RFX6: variants seen among roughly 807,000 people sequenced by gnomAD.
RFX6 encodes the protein regulatory factor X6, also known as DNA-binding protein RFX6.
Under a neutral mutation model 110.8 loss-of-function variants are expected in RFX6, and 50 were observed. The observed-to-expected ratio is 0.45, with a 90% CI of 0.36 to 0.57. The LOEUF is 0.57. RFX6 is among the 20% of genes least tolerant of loss of function. The pLI is 0.00. For synonymous variants in RFX6, 383 were observed against 411.2 expected (o/e 0.93, Z 0.83); for missense variants, 990 against 1,127.0 (o/e 0.88, Z 1.74).
Position 116,910,973 on chromosome 6 carries a change from T to C in RFX6, c.711T>C (p.Thr237=), listed in dbSNP as rs746730984. 28 of 1,613,834 alleles carry C rather than the reference T, an allele frequency of 1.7e-5. No individual in the cohort carries two copies. Among genetic ancestry groups the C allele is most frequent in the Non-Finnish European group, 2.1e-5 (25 of 1,179,770 alleles). Residue 237 remains threonine, a synonymous_variant, in exon 7 of 19, where the codon ACT becomes ACC. Coordinates refer to ENST00000332958, the MANE Select transcript of RFX6 (RefSeq NM_173560.4). ...GTAAATATTCGCTTAGCTCAAAAACTGGAACACTTCTTCCAGAATTCCCCA... is the reference window on the plus strand; with the variant it reads ...GTAAATATTCGCTTAGCTCAAAAACCGGAACACTTCTTCCAGAATTCCCCA... ...FTRKYSLSSK[T]GTLLPEFPSA... is the part of the protein sequence containing the mutation.
intron 15 of RFX6, 77 bp downstream of exon 15, chr6:116,924,868 T>C (rs930109734): frequency 9.7e-7 from 1 of 1,030,758 alleles, no homozygotes; most frequent in Non-Finnish European, 1.5e-6. Context: ...AGTTCAGATA[T>C]TAAGTGGGTT....
Position 116,909,735 on chromosome 6 carries a change from CTTTTTTTTTTTTTT to C in RFX6, c.673-1184_673-1171del, listed in dbSNP as rs59264999. On this transcript the variant is annotated intron_variant, in intron 6 of 18. Transcript: ENST00000332958. ...TTTTAAATATAAAGCTCATTTAAAT[CTTTTTTTTTTTTTT>C]TTTTTTTTTTTTTTTGAGACGGAGT... Among the ~76,000 whole-genome samples the C allele has an allele frequency of 4.3e-3, 293 of 67,396 alleles. 3 individuals are homozygous for C. The highest frequency in any genetic ancestry group is 0.017 in the African/African-American group (273 of 16,532). 44.2% of individuals were successfully genotyped at this position (67,396 alleles called of 152,430 possible). A position where few individuals can be genotyped will look rare whatever the true frequency, so the allele number is the denominator to read the frequency against.
In RFX6 at chr6:116,927,138, C is replaced by T; in HGVS notation, c.1997C>T (p.Pro666Leu). ...INQGPMAGRP[P>L]SVGPVLSAPS... ...CAAGGACCAATGGCAGGGAGGCCCC[C>T]AAGTGTGGGCCCAGTACTGTCAGCT... The change falls in exon 17 of 19, where the codon CCA becomes CTA. Residue 666 changes from proline to leucine, a missense_variant. Physicochemically the swap from Pro to Leu is moderately conservative, Grantham distance 98. Around this residue, in one of 5 missense-constraint regions of RFX6, gnomAD observed 438 missense variants for 441.9 expected, o/e 0.99. Transcript: ENST00000332958. 1 of 1,614,128 alleles carries T rather than the reference C, an allele frequency of 6.2e-7. No individual in the cohort carries two copies. The highest frequency in any genetic ancestry group is 8.5e-7 in the Non-Finnish European group (1 of 1,180,018).
chr6:116,912,659 C>G (rs972670273), intron 7 of RFX6, among the ~76,000 whole-genome samples: 2 of 152,044 alleles, frequency 1.3e-5, no homozygotes, highest in Admixed American at 1.3e-4. Context: ...TCCATGCAAA[C>G]TTATCATGAA....
rs748937776 is a variant in RFX6, at chr6:116,927,153, T to A, written c.2012T>A (p.Val671Glu). ...MAGRPPSVGP[V>E]LSAPSHCSTY... Reference sequence around the variant, plus strand: ...GGGAGGCCCCCAAGTGTGGGCCCAGTACTGTCAGCTCCATCACACTGCTCC... The same window carrying A: ...GGGAGGCCCCCAAGTGTGGGCCCAGAACTGTCAGCTCCATCACACTGCTCC... Residue 671 changes from valine to glutamate, a missense_variant, in exon 17 of 19, where the codon GTA becomes GAA. By Grantham distance (121) the Val-to-Glu change is moderately radical. Transcript: ENST00000332958. 5.4e-5 allele frequency: 87 copies of A among 1,614,036 alleles called. No homozygotes were observed. The highest frequency in any genetic ancestry group is 6.8e-5 in the Non-Finnish European group (80 of 1,180,034).
chr6:116,924,654 C>T lies in RFX6; in HGVS notation c.1556-15C>T. The T allele has an allele frequency of 6.2e-7, 1 of 1,607,252 alleles. No individual in the cohort carries two copies. ...TTTCACACTGTCCTCTCCTCATTCT[C>T]CATCCATAAACAAGGTTCTTTTCAT... On this transcript the variant is annotated splice_polypyrimidine_tract_variant and intron_variant, in intron 14 of 18. Coordinates refer to ENST00000332958, the MANE Select transcript of RFX6 (RefSeq NM_173560.4).
rs1433503585 is a variant in RFX6, at chr6:116,880,733, T to A, written c.504+66T>A. Reference sequence around the variant, plus strand: ...TCATGTCAGGCAGATAGCATGAAAATGAATTCATCTGTGCAAGTTCTCTTA... The same window carrying A: ...TCATGTCAGGCAGATAGCATGAAAAAGAATTCATCTGTGCAAGTTCTCTTA... On this transcript the variant is annotated intron_variant, in intron 3 of 18. Coordinates refer to ENST00000332958, the MANE Select transcript of RFX6 (RefSeq NM_173560.4). 2.0e-6 allele frequency: 3 copies of A among 1,532,542 alleles called. No individual in the cohort carries two copies. The African/African-American group carries it at 4.1e-5, about 21-fold the overall frequency. The allele number at this position is 1,532,542 out of a possible 1,614,324, so 94.9% of individuals were successfully genotyped here.
chr6:116,908,490 C>A lies in RFX6; in HGVS notation c.673-2445C>A, dbSNP rs75785757. On this transcript the variant is annotated intron_variant, in intron 6 of 18. Transcript: ENST00000332958. ...GGTACTTAATCTGTCATTACTTTTT[C>A]GAGTTCATTATTATTCTGGCTACAA... Among the ~76,000 whole-genome samples, 63 of 151,914 alleles carry A rather than the reference C, an allele frequency of 4.1e-4. 1 individual carries two copies. In the East Asian group the frequency reaches 0.011, roughly 26 times the overall value.
intron 18 of RFX6, among the ~76,000 whole-genome samples, chr6:116,930,638 T>C (rs928947519): frequency 1.3e-5 from 2 of 152,042 alleles, no homozygotes; most frequent in African/African-American, 4.8e-5. Context: ...AGCTGAGTGA[T>C]GAGAAGGAGG....
intron 8 of RFX6, 49 bp from the exon 9 acceptor site, chr6:116,916,152 G>T (rs770920941): frequency 2.6e-6 from 4 of 1,554,106 alleles, no homozygotes. Flanking sequence ...TTCTTAATGA[G>T]TTCATGTTAA....
intron 2 of RFX6, among the ~76,000 whole-genome samples, chr6:116,878,197 C>T (rs996717676): frequency 6.6e-6 from 1 of 152,068 alleles, no homozygotes; most frequent in Non-Finnish European, 1.5e-5. Flanking sequence ...TGACTAAAAC[C>T]ATATTTTCTT....
chr6:116,922,788 T>C (rs568543932), intron 13 of RFX6, among the ~76,000 whole-genome samples: 25 of 152,250 alleles, frequency 1.6e-4, no homozygotes, highest in African/African-American at 5.1e-4. Flanking sequence ...TAGCCCTTCC[T>C]TCACACCTCA....
chr6:116,882,084 A>C (rs1433371028), intron 3 of RFX6, among the ~76,000 whole-genome samples: 1 of 152,162 alleles, frequency 6.6e-6, no homozygotes, highest in East Asian at 1.9e-4. Flanking sequence ...TAAATAAAGT[A>C]ATAATTGCTT....
At chr6:116,878,292 G>A (rs575580942) in intron 2 of RFX6, among the ~76,000 whole-genome samples, 1 of 152,038 alleles carries the variant, frequency 6.6e-6, no homozygotes, top group Non-Finnish European at 1.5e-5. Flanking sequence ...TTGTTTGATA[G>A]TTTTTGAGAT....
Position 116,921,427 on chromosome 6 carries a change from C to G in RFX6, c.1328-615C>G, listed in dbSNP as rs957162786. 5.9e-5 allele frequency among the ~76,000 whole-genome samples: 9 copies of G among 152,206 alleles called. No homozygotes were observed. In the South Asian group the frequency reaches 1.5e-3, roughly 25 times the overall value. On this transcript the variant is annotated intron_variant, in intron 12 of 18. Transcript: ENST00000332958. ...TCATTCACTTTTAACTAATCTGTTC[C>G]GTTTAATGAAAACACTAGACTCAAA...
In RFX6 at chr6:116,931,490, C is replaced by T. The variant is rs758787189; in HGVS notation, c.2771C>T (p.Ala924Val). 8 of 1,612,912 alleles carry T rather than the reference C, an allele frequency of 5.0e-6. No homozygotes were observed. In the Admixed American group the frequency reaches 5.0e-5, roughly 10 times the overall value. The change falls in exon 19 of 19, where the codon GCA becomes GTA. Residue 924 changes from alanine to valine, a missense_variant. This residue lies in a region of RFX6 where 438 missense variants were observed against 441.9 expected (regional missense o/e 0.99). Coordinates refer to ENST00000332958, the MANE Select transcript of RFX6 (RefSeq NM_173560.4). The stretch of plus-strand genomic sequence containing the variant: ...ATCAACACTGTGTTCATGGGAACAG[C>T]AGCTGGAGGCACTTAAACCACCAAT... ...PPINTVFMGT[A>V]AGGT
Position 116,920,414 on chromosome 6 carries a change from T to G in RFX6, c.1287T>G (p.Ile429Met), listed in dbSNP as rs770671840. The G allele has an allele frequency of 1.1e-5, 18 of 1,613,446 alleles. 1 individual carries two copies. In the Middle Eastern group the frequency reaches 1.6e-3, roughly 147 times the overall value. Residue 429 changes from isoleucine (I) to methionine (M), a missense_variant, in exon 12 of 19, where the codon ATT becomes ATG. By Grantham distance (10) the Ile-to-Met change is conservative. Transcript: ENST00000332958. ...TTGGCTCTCAAGCCCTTCTTACCATTTCAGGCAGCACAGACACTGAATCTG... is the reference window on the plus strand; with the variant it reads ...TTGGCTCTCAAGCCCTTCTTACCATGTCAGGCAGCACAGACACTGAATCTG... Reference protein sequence around the residue: ...NSIGSQALLTISGSTDTESGI... With the variant: ...NSIGSQALLTMSGSTDTESGI...
At chr6:116,882,569 GAAAAA>G in intron 4 of RFX6, 141 bp downstream of exon 4, 1 of 455,176 alleles carries the variant, frequency 2.2e-6, no homozygotes, top group East Asian at 3.7e-5. Context: ...TGTGAGAACT[GAAAAA>G]AAAAAAAAGA....
intron 6 of RFX6, among the ~76,000 whole-genome samples, chr6:116,897,082 G>T (rs1295394282): frequency 6.6e-6 from 1 of 152,080 alleles, no homozygotes; most frequent in African/African-American, 2.4e-5. Context: ...GGAGTAACTA[G>T]GTTTAGGGAG....
Sources: gnomAD v4.1 joint callset for allele counts (sites outside exome capture counted in the v4.1 genomes callset) on GRCh38, gnomAD v4.1.1 for gene constraint, gnomAD v4.1.1 regional missense constraint, MANE v1.5 for transcripts, NCBI Gene and HGNC (gene_info 2026-07-23, HGNC 2026-07-21) for gene names.